DIDO1: variants seen among roughly 807,000 people sequenced by gnomAD.
The protein encoded by DIDO1 is death-inducer obliterator 1.
In DIDO1, 16 loss-of-function variants were observed where a neutral mutation model predicts 99.4. The observed-to-expected ratio is 0.16, with a 90% CI of 0.11 to 0.24. The LOEUF (loss-of-function observed/expected upper bound fraction) is 0.24. Ranked by LOEUF, DIDO1 falls within the 10% of genes least tolerant of loss-of-function variation. DIDO1 has a pLI of 1.00. For missense variants in DIDO1, 2,996 were observed against 3,014.0 expected (o/e 0.99, Z 0.14); for synonymous variants, 1,366 against 1,239.1 (o/e 1.10, Z -2.15).
chr20:62,897,410 C>A (rs1293102356), intron 6 of DIDO1, among the ~76,000 whole-genome samples: 1 of 152,150 alleles, frequency 6.6e-6, no homozygotes, highest in Non-Finnish European at 1.5e-5. Context: ...TGAAAAAGAC[C>A]GTTTAGAAGC....
At chr20:62,887,180 C>G in intron 15 of DIDO1, 3 of 985,460 alleles carry the variant, frequency 3.0e-6, no homozygotes, top group Non-Finnish European at 3.6e-6. Context: ...CCAGGAGCCA[C>G]CAAATGGTTC....
At chr20:62,923,841 C>T (rs777137924) in intron 1 of DIDO1, among the ~76,000 whole-genome samples, 39 of 152,112 alleles carry the variant, frequency 2.6e-4, no homozygotes, top group Admixed American at 6.5e-4. Flanking sequence ...AATTTGATAC[C>T]CAAGGAGAGA....
intron 6 of DIDO1, among the ~76,000 whole-genome samples, chr20:62,904,807 A>AAAAAAAAAAAAAT (rs1568859998): frequency 1.7e-4 from 24 of 141,690 alleles, no homozygotes; most frequent in East Asian, 4.2e-4. Context: ...AAAAAAAAAA[A>AAAAAAAAAAAAAT]GTGTCTTTTT....
chr20:62,891,111 C>T lies in DIDO1; in HGVS notation c.3390G>A (p.Glu1130=). 1 of 1,614,154 alleles carries T rather than the reference C, an allele frequency of 6.2e-7. No individual in the cohort carries two copies. Among genetic ancestry groups the T allele is most frequent in the South Asian group, 1.1e-5 (1 of 91,090 alleles). ...IRFHPATEEE[E]VAYISLYSYF... Reference sequence around the variant, plus strand: ...AGGAGTAGAGAGAGATATAGGCGACCTCCTCTTCCTCTGTGGCGGGGTGGA... The same window carrying T: ...AGGAGTAGAGAGAGATATAGGCGACTTCCTCTTCCTCTGTGGCGGGGTGGA... Residue 1130 remains glutamate (E), a synonymous_variant, in exon 15 of 16, where the codon GAG becomes GAA. Coordinates refer to ENST00000395343, the MANE Select transcript of DIDO1 (RefSeq NM_001193369.2).
Position 62,911,191 on chromosome 20 carries a change from T to A in DIDO1, c.422A>T (p.Lys141Met), listed in dbSNP as rs778673292. The change falls in exon 3 of 16, where the codon AAG (lysine) becomes ATG (methionine). Residue 141 changes from lysine to methionine, a missense_variant. Coordinates refer to ENST00000395343, the MANE Select transcript of DIDO1 (RefSeq NM_001193369.2). The surrounding 1 kb of genome is among the most constrained non-coding windows in gnomAD (Gnocchi z 7.0). ...AVKERPASSE[K>M]VKGGDDHDDT... Reference sequence around the variant, plus strand: ...ATCGTGGTCATCCCCTCCTTTCACCTTTTCAGAAGAGGCTGGTCGTTCCTT... The same window carrying A: ...ATCGTGGTCATCCCCTCCTTTCACCATTTCAGAAGAGGCTGGTCGTTCCTT... 2.3e-5 allele frequency: 37 copies of A among 1,613,810 alleles called. No homozygotes were observed. The East Asian group carries it at 7.4e-4, about 32-fold the overall frequency.
At chr20:62,882,564 T>C in intron 15 of DIDO1, 150 bp from the exon 16 acceptor site, 1 of 762,432 alleles carries the variant, frequency 1.3e-6, no homozygotes, top group Non-Finnish European at 2.0e-6. Context: ...TCAAGACAGT[T>C]GCAAAAGCCT....
Position 62,882,169 on chromosome 20 carries a change from G to T in DIDO1, c.3787C>A (p.Pro1263Thr), listed in dbSNP as rs1366973464. Residue 1263 changes from proline to threonine, a missense_variant, in exon 16 of 16, where the codon CCT becomes ACT. By Grantham distance (38) the Pro-to-Thr change is conservative. Coordinates refer to ENST00000395343, the MANE Select transcript of DIDO1 (RefSeq NM_001193369.2). ...VSTTPPGSPPPPPPLPEPPVL... is the reference protein window; with the variant it reads ...VSTTPPGSPPTPPPLPEPPVL... ...GGTGGTTCTGGAAGAGGGGGCGGAG[G>T]CGGCGGCGACCCAGGAGGTGTGGTG... is the stretch of plus-strand genomic sequence containing the variant. 3 of 1,613,166 alleles carry T rather than the reference G, an allele frequency of 1.9e-6. No homozygotes were observed. The highest frequency in any genetic ancestry group is 2.7e-5 in the African/African-American group (2 of 74,912).
At chr20:62,937,009 CG>C (rs1389206674) in intron 1 of DIDO1, among the ~76,000 whole-genome samples, 1 of 152,258 alleles carries the variant, frequency 6.6e-6, no homozygotes, top group Non-Finnish European at 1.5e-5. Flanking sequence ...TTTCGATTAA[CG>C]GAAAATGTCC....
At chr20:62,901,267 T>C (rs1331139034) in intron 6 of DIDO1, among the ~76,000 whole-genome samples, 1 of 152,186 alleles carries the variant, frequency 6.6e-6, no homozygotes, top group Non-Finnish European at 1.5e-5. Flanking sequence ...AAGCTTTCCT[T>C]GGTCAGTTTT....
At chr20:62,907,667 A>G (rs1301564652) in intron 4 of DIDO1, among the ~76,000 whole-genome samples, 2 of 152,248 alleles carry the variant, frequency 1.3e-5, no homozygotes, top group East Asian at 3.9e-4. Flanking sequence ...CACATCCACG[A>G]TGAGGCTCCG....
In DIDO1 at chr20:62,882,312, C is replaced by A; in HGVS notation, c.3644G>T (p.Arg1215Leu). 6.2e-7 allele frequency: 1 copy of A among 1,614,034 alleles called. No homozygotes were observed. Residue 1215 changes from arginine (R) to leucine (L), a missense_variant, in exon 16 of 16, where the codon CGG (arginine) becomes CTG (leucine). Arg to Leu is a moderately radical substitution (Grantham distance 102). This residue lies in a region of DIDO1 where 1,562 missense variants were observed against 1,412.6 expected (regional missense o/e 1.11). Coordinates refer to ENST00000395343, the MANE Select transcript of DIDO1 (RefSeq NM_001193369.2). ...SGELDKMDEKRTRLQPEEADV... is the reference protein window; with the variant it reads ...SGELDKMDEKLTRLQPEEADV... ...CGCTTCTTCCGGTTGAAGTCGGGTC[C>A]GCTTTTCGTCCATCTTGTCTAACTC...
rs772061914 is a variant in DIDO1, at chr20:62,911,604, G to C, written c.9C>G (p.Asp3Glu). Residue 3 changes from aspartate (D) to glutamate (E), a missense_variant, in exon 3 of 16, where the codon GAC becomes GAG. Around this residue, in one of 5 missense-constraint regions of DIDO1, gnomAD observed 388 missense variants for 376.6 expected, o/e 1.03. Coordinates refer to ENST00000395343, the MANE Select transcript of DIDO1 (RefSeq NM_001193369.2). This position sits in a 1 kb window ranked among gnomAD's most constrained non-coding sequence, Gnocchi z 7.0. ...CCTCCTCATTGCTCGGGTCGCCTTT[G>C]TCGTCCATACCTAGCGGTAAAGTGT... The part of the protein sequence containing the change: MD[D>E]KGDPSNEEAP... 1.9e-6 allele frequency: 3 copies of C among 1,576,440 alleles called. No individual in the cohort carries two copies. In the East Asian group the frequency reaches 6.8e-5, roughly 36 times the overall value.
At position 62,891,680 on chromosome 20, in the gene DIDO1, G is replaced by A. The variant is rs146395026; in HGVS notation, c.3345+307C>T. On this transcript the variant is annotated intron_variant, in intron 14 of 15. Coordinates refer to ENST00000395343, the MANE Select transcript of DIDO1 (RefSeq NM_001193369.2). ...ATCTATTTCTTCCTAAAATTTAACCGCACATACATTATAATAAATCAGAAA... is the reference window on the plus strand; with the variant it reads ...ATCTATTTCTTCCTAAAATTTAACCACACATACATTATAATAAATCAGAAA... 3.1e-3 allele frequency among the ~76,000 whole-genome samples: 474 copies of A among 151,620 alleles called. 2 individuals carry two copies. The highest frequency in any genetic ancestry group is 0.01 in the African/African-American group (428 of 41,312).
intron 6 of DIDO1, among the ~76,000 whole-genome samples, chr20:62,900,388 G>T (rs765234112): frequency 6.6e-6 from 1 of 152,256 alleles, no homozygotes; most frequent in Non-Finnish European, 1.5e-5. Context: ...CCCCAAAGCA[G>T]AAGGCTGGCT....
chr20:62,933,931 A>G (rs750165415), intron 1 of DIDO1, among the ~76,000 whole-genome samples: 1 of 152,174 alleles, frequency 6.6e-6, no homozygotes, highest in African/African-American at 2.4e-5. Flanking sequence ...ATCTCTTTCA[A>G]TATGAAACAA....
chr20:62,895,127 CAA>C lies in DIDO1; in HGVS notation c.2251_2252del (p.Leu751GlyfsTer14). On this transcript the variant is annotated frameshift_variant, in exon 9 of 16. Coordinates refer to ENST00000395343, the MANE Select transcript of DIDO1 (RefSeq NM_001193369.2). LOFTEE classifies it high-confidence loss of function. ...CTGGCTTCAGTCTCACAAGTTTCGC[CAA>C]AGAGATTTCCTCACGCAGAACACGA... is the stretch of plus-strand genomic sequence containing the variant. ...FHRVLREEIS[L>X]AKLVRLKPEE... is the part of the protein sequence containing the mutation. 1 of 1,612,002 alleles carries C rather than the reference CAA, an allele frequency of 6.2e-7. No homozygotes were observed. The highest frequency in any genetic ancestry group is 8.5e-7 in the Non-Finnish European group (1 of 1,178,220).
chr20:62,890,661 T>G, intron 15 of DIDO1: 1 of 1,252,682 alleles, frequency 8.0e-7, no homozygotes. Flanking sequence ...GGCTGAGCCT[T>G]GGGCTTCTGG....
intron 1 of DIDO1, among the ~76,000 whole-genome samples, chr20:62,920,001 T>C (rs910400544): frequency 1.3e-5 from 2 of 152,224 alleles, no homozygotes; most frequent in African/African-American, 4.8e-5. Context: ...TGGACTCCTC[T>C]TGTCTCAGTA....
intron 4 of DIDO1, among the ~76,000 whole-genome samples, chr20:62,909,490 T>G (rs1254380682): frequency 6.6e-6 from 1 of 152,234 alleles, no homozygotes; most frequent in African/African-American, 2.4e-5. Context: ...TGGGCTGATT[T>G]CAACAATTAA....
Sources: gnomAD v4.1 joint callset for allele counts (sites outside exome capture counted in the v4.1 genomes callset) on GRCh38, gnomAD v4.1.1 for gene constraint, gnomAD v4.1.1 regional missense constraint, Gnocchi (gnomAD v3.1) non-coding constraint, MANE v1.5 for transcripts, NCBI Gene and HGNC (gene_info 2026-07-23, HGNC 2026-07-21) for gene names.